ATXN1: variants seen among roughly 807,000 people sequenced by gnomAD.
ATXN1 encodes ataxin-1.
A neutral mutation model predicts 56.4 loss-of-function variants in ATXN1; 8 were observed. The observed-to-expected ratio is 0.14, with a 90% confidence interval of 0.08 to 0.26. The LOEUF (loss-of-function observed/expected upper bound fraction) is 0.26, where lower values mean the gene tolerates loss of function less well. Ranked by LOEUF, ATXN1 falls within the 10% of genes least tolerant of loss-of-function variation. ATXN1 has a pLI of 1.00. For synonymous variants in ATXN1, 514 were observed against 494.6 expected (o/e 1.04, Z -0.52); for missense variants, 987 against 1,106.5 (o/e 0.89, Z 1.53).
At chr6:16,384,745 C>T (rs1479692636) in intron 6 of ATXN1, among the ~76,000 whole-genome samples, 3 of 152,334 alleles carry the variant, frequency 2.0e-5, no homozygotes, top group African/African-American at 2.4e-5. Context: ...CCACGTAGGA[C>T]GTGCTGGCTT....
rs573885970 is a variant in ATXN1 at position 16,345,064 on chromosome 6, C to G, written c.-160-16594G>C. 3.0e-4 allele frequency among the ~76,000 whole-genome samples: 46 copies of G among 152,308 alleles called. No individual in the cohort carries two copies. The South Asian group carries it at 6.0e-3, about 20-fold the overall frequency. ...GTTCTTATCTTGTGTCCATCTCTTG[C>G]AGTTTGTCTTCCTTACAAGCTGGTT... On this transcript the variant is annotated intron_variant, in intron 6 of 7. Coordinates refer to ENST00000436367, the MANE Select transcript of ATXN1 (RefSeq NM_001128164.2).
intron 2 of ATXN1, among the ~76,000 whole-genome samples, chr6:16,669,720 G>A (rs372055765): frequency 3.5e-5 from 5 of 141,748 alleles, no homozygotes; most frequent in African/African-American, 1.1e-4. Flanking sequence ...TGTGCAGAAC[G>A]TGCAGGTTTG....
At chr6:16,646,639 C>T (rs867629359) in intron 3 of ATXN1, among the ~76,000 whole-genome samples, 16 of 152,262 alleles carry the variant, frequency 1.1e-4, no homozygotes, top group Admixed American at 6.5e-4. Flanking sequence ...TTTGGGCACA[C>T]GCCCTCCCGT....
intron 3 of ATXN1, among the ~76,000 whole-genome samples, chr6:16,639,319 C>T (rs1201809546): frequency 6.6e-6 from 1 of 152,120 alleles, no homozygotes; most frequent in African/African-American, 2.4e-5. Flanking sequence ...TGTGAAGGTC[C>T]GTGGCTCCAT....
At chr6:16,511,886 C>A (rs1190203862) in intron 5 of ATXN1, among the ~76,000 whole-genome samples, 1 of 152,182 alleles carries the variant, frequency 6.6e-6, no homozygotes, top group Non-Finnish European at 1.5e-5. Context: ...CAGGCCACCG[C>A]CCTGCCTTAG....
chr6:16,515,828 G>A (rs151080741), intron 5 of ATXN1, among the ~76,000 whole-genome samples: 25 of 152,282 alleles, frequency 1.6e-4, no homozygotes, highest in African/African-American at 6.0e-4. Flanking sequence ...GGAGGGGGAT[G>A]GTATAGGGTG....
At chr6:16,549,925 G>T (rs796225607) in intron 4 of ATXN1, among the ~76,000 whole-genome samples, 22 of 144,762 alleles carry the variant, frequency 1.5e-4, no homozygotes, top group African/African-American at 5.6e-4. Flanking sequence ...AAAGGAATAG[G>T]CATGCCATTC....
intron 2 of ATXN1, among the ~76,000 whole-genome samples, chr6:16,660,831 G>GTT (rs1491535308): frequency 3.0e-4 from 39 of 131,196 alleles, no homozygotes; most frequent in African/African-American, 1.2e-3. Context: ...ATTTTGTTTT[G>GTT]GTTTTTTTTT....
In ATXN1 at chr6:16,328,077, G is replaced by A. The variant is rs1760889132; in HGVS notation, c.234C>T (p.His78=). ...ELGLQQGIGL[H]KALSTGLDYS... ...AGTCCAGCCCTGTGGACAATGCTTT[G>A]TGTAAACCTATTCCCTGTTGTAAAC... The change falls in exon 7 of 8, where the codon CAC becomes CAT. Residue 78 remains histidine, a synonymous_variant. Transcript: ENST00000436367. The surrounding 1 kb of genome is among the most constrained non-coding windows in gnomAD (Gnocchi z 6.2). The A allele has an allele frequency of 1.2e-6, 2 of 1,611,170 alleles. No homozygotes were observed.
intron 6 of ATXN1, among the ~76,000 whole-genome samples, chr6:16,408,726 G>A (rs1758737219): frequency 6.6e-6 from 1 of 152,196 alleles, no homozygotes; most frequent in Non-Finnish European, 1.5e-5. Flanking sequence ...TTGAACCCAA[G>A]TGTGTTTAAT....
intron 6 of ATXN1, among the ~76,000 whole-genome samples, chr6:16,434,939 G>A (rs1391920885): frequency 6.6e-6 from 1 of 152,222 alleles, no homozygotes; most frequent in African/African-American, 2.4e-5. Context: ...GTGGCTCCTA[G>A]AAAGAAGGTA....
At chr6:16,347,801 A>AT (rs1158547929) in intron 6 of ATXN1, among the ~76,000 whole-genome samples, 3 of 152,254 alleles carry the variant, frequency 2.0e-5, no homozygotes, top group Non-Finnish European at 4.4e-5. Context: ...GTAGGGCCAG[A>AT]TAAGAGAATA....
intron 1 of ATXN1, among the ~76,000 whole-genome samples, chr6:16,758,710 A>G (rs563189899): frequency 6.6e-6 from 1 of 152,178 alleles, no homozygotes; most frequent in South Asian, 2.1e-4. Context: ...ATGAGTGATC[A>G]GGACTGGAGT....
intron 2 of ATXN1, among the ~76,000 whole-genome samples, chr6:16,693,321 G>C (rs1759088353): frequency 6.6e-6 from 1 of 152,168 alleles, no homozygotes; most frequent in African/African-American, 2.4e-5. Flanking sequence ...GAGCTCCACT[G>C]TCCTCATCTG....
chr6:16,317,476 C>T (rs1441102226), intron 7 of ATXN1, among the ~76,000 whole-genome samples: 1 of 152,066 alleles, frequency 6.6e-6, no homozygotes, highest in African/African-American at 2.4e-5. Flanking sequence ...AGGCGCCTGC[C>T]ACCACACCAG....
intron 6 of ATXN1, among the ~76,000 whole-genome samples, chr6:16,465,562 C>G (rs1760088584): frequency 6.6e-6 from 1 of 152,030 alleles, no homozygotes; most frequent in Admixed American, 6.6e-5. Flanking sequence ...TGGCCAAGAA[C>G]TAGGAGGATG....
chr6:16,584,999 G>A (rs1581862290), intron 4 of ATXN1, among the ~76,000 whole-genome samples: 1 of 152,074 alleles, frequency 6.6e-6, no homozygotes, highest in African/African-American at 2.4e-5. Flanking sequence ...TTGGGAGGCT[G>A]AGGTGGGAAG....
chr6:16,721,959 G>A (rs935201568), intron 2 of ATXN1, among the ~76,000 whole-genome samples: 2 of 152,136 alleles, frequency 1.3e-5, no homozygotes, highest in Non-Finnish European at 1.5e-5. Flanking sequence ...GGGAGCCTTG[G>A]GACGTTCTGG....
chr6:16,470,438 C>G (rs1183617151), intron 6 of ATXN1, among the ~76,000 whole-genome samples: 1 of 152,128 alleles, frequency 6.6e-6, no homozygotes, highest in Non-Finnish European at 1.5e-5. Context: ...TACAACTATA[C>G]ACTTAAAAAT....
Sources: gnomAD v4.1 joint callset for allele counts (sites outside exome capture counted in the v4.1 genomes callset) on GRCh38, gnomAD v4.1.1 for gene constraint, Gnocchi (gnomAD v3.1) non-coding constraint, MANE v1.5 for transcripts, NCBI Gene and HGNC (gene_info 2026-07-23, HGNC 2026-07-21) for gene names.